Variants in CNTNAP2 observed in about 807,000 individuals in gnomAD.
The protein encoded by CNTNAP2 is contactin-associated protein-like 2.
In CNTNAP2, 98 loss-of-function variants were observed where a neutral mutation model predicts 155.2. The observed-to-expected ratio is 0.63, with a 90% confidence interval of 0.54 to 0.75. The LOEUF is 0.75. CNTNAP2 is among the 30% of genes least tolerant of loss of function. The pLI is 0.00. For missense variants in CNTNAP2, 1,727 were observed against 1,688.1 expected (o/e 1.02, Z -0.40); for synonymous variants, 651 against 631.2 (o/e 1.03, Z -0.47).
chr7:146,728,746 A>G (rs978965536), intron 1 of CNTNAP2, among the ~76,000 whole-genome samples: 11 of 152,168 alleles, frequency 7.2e-5, no homozygotes, highest in Admixed American at 1.3e-4. Flanking sequence ...CTTTTAGACA[A>G]TCTACCATGA....
chr7:146,407,126 A>G (rs1795803523), intron 1 of CNTNAP2, among the ~76,000 whole-genome samples: 3 of 152,200 alleles, frequency 2.0e-5, no homozygotes. Flanking sequence ...CAGTAGACAC[A>G]GAATAAAACT....
intron 3 of CNTNAP2, among the ~76,000 whole-genome samples, chr7:146,888,833 G>A (rs995323336): frequency 3.3e-5 from 5 of 151,986 alleles, no homozygotes; most frequent in Admixed American, 2.6e-4. Context: ...GTTGCCAGGG[G>A]ATAAGGGGAA....
chr7:146,244,081 G>A (rs910734864), intron 1 of CNTNAP2, among the ~76,000 whole-genome samples: 55 of 152,074 alleles, frequency 3.6e-4, no homozygotes, highest in Non-Finnish European at 4.3e-4. Flanking sequence ...ATACGGTTTT[G>A]TATGAATTGA....
At chr7:147,451,266 C>T (rs983622935) in intron 10 of CNTNAP2, among the ~76,000 whole-genome samples, 1 of 152,090 alleles carries the variant, frequency 6.6e-6, no homozygotes, top group Non-Finnish European at 1.5e-5. Context: ...AGGATACAGC[C>T]CTTCGGGGAT....
chr7:147,855,116 A>T (rs1389672149), intron 13 of CNTNAP2, among the ~76,000 whole-genome samples: 2 of 152,114 alleles, frequency 1.3e-5, no homozygotes, highest in Non-Finnish European at 2.9e-5. Flanking sequence ...TGCGGCTCAC[A>T]TTGTATTTCT....
At chr7:147,997,964 T>G (rs894084222) in intron 15 of CNTNAP2, among the ~76,000 whole-genome samples, 1 of 152,154 alleles carries the variant, frequency 6.6e-6, no homozygotes, top group Admixed American at 6.5e-5. Flanking sequence ...AAAGTGCGCA[T>G]ACTCTCTACA....
chr7:146,982,083 A>AT (rs1161752326), intron 3 of CNTNAP2, among the ~76,000 whole-genome samples: 1 of 152,064 alleles, frequency 6.6e-6, no homozygotes, highest in Non-Finnish European at 1.5e-5. Flanking sequence ...TCTTTCTTTG[A>AT]TTTTCCCTCA....
chr7:147,880,441 A>G (rs954243775), intron 13 of CNTNAP2, among the ~76,000 whole-genome samples: 1 of 152,152 alleles, frequency 6.6e-6, no homozygotes, highest in African/African-American at 2.4e-5. Context: ...ACAGTTGGAT[A>G]TGTGAGTCTG....
At chr7:146,766,882 A>C (rs910643542) in intron 1 of CNTNAP2, among the ~76,000 whole-genome samples, 2 of 152,168 alleles carry the variant, frequency 1.3e-5, no homozygotes, top group African/African-American at 2.4e-5. Context: ...TGTCTCATTA[A>C]ATGGAAAATG....
At chr7:147,994,872 G>T (rs1801775003) in intron 15 of CNTNAP2, among the ~76,000 whole-genome samples, 1 of 152,214 alleles carries the variant, frequency 6.6e-6, no homozygotes, top group Non-Finnish European at 1.5e-5. Flanking sequence ...GAAGAGAAAT[G>T]AGAGGCAGCC....
intron 18 of CNTNAP2, among the ~76,000 whole-genome samples, chr7:148,179,551 G>A (rs893530157): frequency 6.8e-6 from 1 of 146,820 alleles, no homozygotes; most frequent in African/African-American, 2.5e-5. Context: ...GAGAGAGGGA[G>A]AGAGGGAGAG....
At chr7:146,338,730 C>CT (rs199531913) in intron 1 of CNTNAP2, among the ~76,000 whole-genome samples, 65 of 151,586 alleles carry the variant, frequency 4.3e-4, no homozygotes, top group East Asian at 2.7e-3. Context: ...AACAGAACTT[C>CT]TTTTTTTTTA....
chr7:146,595,413 T>C (rs1372635628), intron 1 of CNTNAP2, among the ~76,000 whole-genome samples: 1 of 152,066 alleles, frequency 6.6e-6, no homozygotes, highest in African/African-American at 2.4e-5. Flanking sequence ...TGGAATTATG[T>C]TGATCATGAC....
At chr7:146,643,713 T>G (rs1799756638) in intron 1 of CNTNAP2, among the ~76,000 whole-genome samples, 1 of 152,314 alleles carries the variant, frequency 6.6e-6, no homozygotes, top group Non-Finnish European at 1.5e-5. Flanking sequence ...CATTGGTAGC[T>G]TGATGGGGAT....
At chr7:147,098,161 C>G (rs1800583197) in intron 4 of CNTNAP2, among the ~76,000 whole-genome samples, 2 of 152,258 alleles carry the variant, frequency 1.3e-5, no homozygotes, top group Admixed American at 1.3e-4. Flanking sequence ...CACGCCCTTT[C>G]TCCTCTCCCT....
At chr7:146,635,358 G>C (rs1468574216) in intron 1 of CNTNAP2, among the ~76,000 whole-genome samples, 1 of 152,120 alleles carries the variant, frequency 6.6e-6, no homozygotes, top group Non-Finnish European at 1.5e-5. Flanking sequence ...CTTACAACCA[G>C]CCAGTGGCCT....
At chr7:146,179,530 A>G (rs967485430) in intron 1 of CNTNAP2, among the ~76,000 whole-genome samples, 5 of 152,140 alleles carry the variant, frequency 3.3e-5, no homozygotes, top group Non-Finnish European at 5.9e-5. Flanking sequence ...CCTTATAGGA[A>G]AAACATGATC....
At chr7:147,531,658 C>T (rs912043784) in intron 11 of CNTNAP2, among the ~76,000 whole-genome samples, 4 of 152,270 alleles carry the variant, frequency 2.6e-5, no homozygotes, top group South Asian at 2.1e-4. Context: ...GCCTCCAGGC[C>T]TGTGATGGGA....
intron 1 of CNTNAP2, among the ~76,000 whole-genome samples, chr7:146,162,350 A>G (rs902502304): frequency 6.6e-6 from 1 of 152,238 alleles, no homozygotes; most frequent in African/African-American, 2.4e-5. Flanking sequence ...GGCAAAGGAT[A>G]TGAACAGACA....
Sources: allele counts gnomAD v4.1 joint callset (sites outside exome capture counted in the v4.1 genomes callset), GRCh38; gene constraint gnomAD v4.1.1; transcripts MANE v1.5; gene names NCBI Gene and HGNC (gene_info 2026-07-23, HGNC 2026-07-21).